The following SPAG16 variants were observed in gnomAD, a reference collection of about 807,000 sequenced individuals.
SPAG16 encodes sperm associated antigen 16.
A neutral mutation model predicts 80.4 loss-of-function variants in SPAG16; 86 were observed. The ratio of observed to expected loss-of-function variants is 1.07; its 90% CI spans 0.90 to 1.28. The LOEUF (loss-of-function observed/expected upper bound fraction) is 1.28, where lower values mean the gene tolerates loss of function less well. Among genes scored for constraint, SPAG16 ranks in the 50% most tolerant of loss-of-function variants. SPAG16 has a pLI of 0.00. For missense variants in SPAG16, 870 were observed against 765.3 expected (o/e 1.14, Z -1.61); for synonymous variants, 294 against 265.9 (o/e 1.11, Z -1.03).
At chr2:214,219,967 A>T (rs199695243) in intron 15 of SPAG16, among the ~76,000 whole-genome samples, 1 of 58,666 alleles carries the variant, frequency 1.7e-5, no homozygotes, top group African/African-American at 3.2e-5. Flanking sequence ...TGGCAGGTTC[A>T]TCCTCTAGAG....
At chr2:213,955,499 T>C (rs1411212396) in intron 12 of SPAG16, among the ~76,000 whole-genome samples, 1 of 152,192 alleles carries the variant, frequency 6.6e-6, no homozygotes, top group Non-Finnish European at 1.5e-5. Context: ...ACTATAAATA[T>C]AGTAGTTTAT....
At chr2:213,595,608 G>A (rs538992265) in intron 10 of SPAG16, among the ~76,000 whole-genome samples, 134 of 152,032 alleles carry the variant, frequency 8.8e-4, no homozygotes, top group Admixed American at 1.8e-3. Context: ...ATATCTTTGC[G>A]TACCACCTAT....
At chr2:213,976,135 T>TATATATATATATATAGAC (rs749957411) in intron 12 of SPAG16, among the ~76,000 whole-genome samples, 1 of 81,416 alleles carries the variant, frequency 1.2e-5, no homozygotes, top group East Asian at 3.8e-4. Context: ...TATATATATA[T>TATATATATATATATAGAC]ACACACACAC....
At chr2:213,540,197 G>T (rs969382014) in intron 10 of SPAG16, among the ~76,000 whole-genome samples, 13 of 145,018 alleles carry the variant, frequency 9.0e-5, no homozygotes, top group Admixed American at 7.6e-4. Context: ...ACCACGCCCA[G>T]CTAATTTTTA....
intron 10 of SPAG16, among the ~76,000 whole-genome samples, chr2:213,541,890 T>C (rs957922533): frequency 7.2e-5 from 11 of 152,172 alleles, no homozygotes; most frequent in African/African-American, 2.7e-4. Flanking sequence ...TCTTCCTCAC[T>C]GGGGGTTGAC....
Position 213,971,025 on chromosome 2 carries a change from A to T in SPAG16, c.1400+40880A>T, listed in dbSNP as rs562417360. Among the ~76,000 whole-genome samples, 15 of 152,286 alleles carry T rather than the reference A, an allele frequency of 9.8e-5. No individual in the cohort carries two copies. The South Asian group carries it at 1.9e-3, about 19-fold the overall frequency. ...ATAATATGTATATTAACAAATTGGC[A>T]TCTGTTTTATTTCATTTTTCATTTC... On this transcript the variant is annotated intron_variant, in intron 12 of 15. Transcript: ENST00000331683.
At chr2:214,148,271 G>C (rs571611798) in intron 14 of SPAG16, among the ~76,000 whole-genome samples, 77 of 152,216 alleles carry the variant, frequency 5.1e-4, no homozygotes, top group African/African-American at 1.8e-3. Context: ...TCACAAAGTA[G>C]ATGCTCAATA....
intron 13 of SPAG16, among the ~76,000 whole-genome samples, chr2:214,095,244 GTTGT>G (rs1350067609): frequency 6.6e-6 from 1 of 151,986 alleles, no homozygotes; most frequent in Non-Finnish European, 1.5e-5. Flanking sequence ...TCTCTGGCCG[GTTGT>G]TTTTTATCTT....
At chr2:213,744,989 T>A (rs1297670259) in intron 10 of SPAG16, among the ~76,000 whole-genome samples, 2 of 152,244 alleles carry the variant, frequency 1.3e-5, no homozygotes, top group African/African-American at 4.8e-5. Flanking sequence ...ATTTTGGGTA[T>A]TGTATGACAT....
intron 10 of SPAG16, among the ~76,000 whole-genome samples, chr2:213,697,901 A>G (rs1023979502): frequency 6.6e-6 from 1 of 152,150 alleles, no homozygotes; most frequent in Non-Finnish European, 1.5e-5. Context: ...CCCTTTTTAT[A>G]TAGTCCTTTT....
chr2:213,688,209 T>G (rs2064777235), intron 10 of SPAG16, among the ~76,000 whole-genome samples: 1 of 152,172 alleles, frequency 6.6e-6, no homozygotes. Context: ...AATGTTCAGG[T>G]TAAGATAAAG....
chr2:213,562,159 C>G (rs547339893), intron 10 of SPAG16, among the ~76,000 whole-genome samples: 1 of 152,276 alleles, frequency 6.6e-6, no homozygotes, highest in Non-Finnish European at 1.5e-5. Flanking sequence ...GACATTTTAC[C>G]ATTGTCTTTC....
At chr2:213,286,773 G>C (rs1242815069) in intron 1 of SPAG16, among the ~76,000 whole-genome samples, 1 of 152,198 alleles carries the variant, frequency 6.6e-6, no homozygotes, top group Non-Finnish European at 1.5e-5. Flanking sequence ...GCAAGACTTT[G>C]AAAGAAGTTG....
At chr2:213,469,035 C>T (rs556283599) in intron 9 of SPAG16, among the ~76,000 whole-genome samples, 2 of 152,156 alleles carry the variant, frequency 1.3e-5, no homozygotes, top group East Asian at 3.9e-4. Context: ...TCTGTCTTTT[C>T]CAGCCCACTG....
chr2:214,052,713 T>C (rs1294547471), intron 13 of SPAG16, among the ~76,000 whole-genome samples: 1 of 152,232 alleles, frequency 6.6e-6, no homozygotes, highest in East Asian at 1.9e-4. Context: ...GTTCCCCCTG[T>C]ATATGCTGAT....
rs543993751 is a variant in SPAG16, at chr2:214,156,691, CCTGAGCCCAGGTTGCAGCAAGAGGATGG to C, written c.1720+7443_1720+7470del. ...CTCAGGAGGCTGAGGTGGGAGGATCCCTGAGCCCAGGTTGCAGCAAGAGGATGGCTGAGCCCAGGTTGCAGTCAACTAT... is the reference window on the plus strand; with the variant it reads ...CTCAGGAGGCTGAGGTGGGAGGATCCCTGAGCCCAGGTTGCAGTCAACTAT... On this transcript the variant is annotated intron_variant, in intron 15 of 15. Transcript: ENST00000331683. Among the ~76,000 whole-genome samples the C allele has an allele frequency of 3.3e-5, 5 of 152,084 alleles. No homozygotes were observed. In the South Asian group the frequency reaches 1.0e-3, roughly 32 times the overall value.
chr2:213,511,978 A>T (rs571642336), intron 10 of SPAG16, among the ~76,000 whole-genome samples: 1 of 152,052 alleles, frequency 6.6e-6, no homozygotes, highest in Non-Finnish European at 1.5e-5. Context: ...ATAGATGTCT[A>T]ATTTTTCTCC....
At chr2:213,316,103 G>A (rs1488924688) in intron 4 of SPAG16, among the ~76,000 whole-genome samples, 2 of 151,914 alleles carry the variant, frequency 1.3e-5, no homozygotes, top group South Asian at 2.1e-4. Flanking sequence ...TATACTCAAC[G>A]TTTGTCTTCA....
At chr2:214,254,516 G>A (rs1690539075) in intron 15 of SPAG16, among the ~76,000 whole-genome samples, 1 of 151,658 alleles carries the variant, frequency 6.6e-6, no homozygotes, top group Non-Finnish European at 1.5e-5. Flanking sequence ...ATTTAGGCGG[G>A]CTGTATATCT....
Sources: allele counts gnomAD v4.1 joint callset (sites outside exome capture counted in the v4.1 genomes callset), GRCh38; gene constraint gnomAD v4.1.1; transcripts MANE v1.5; gene names NCBI Gene and HGNC (gene_info 2026-07-23, HGNC 2026-07-21).